The following ARHGAP39 variants were observed in gnomAD, a reference collection of about 807,000 sequenced individuals.
ARHGAP39 encodes the protein Rho GTPase activating protein 39.
A neutral mutation model predicts 106.9 loss-of-function variants in ARHGAP39; 44 were observed. The ratio of observed to expected loss-of-function variants is 0.41; its 90% CI spans 0.32 to 0.53. The LOEUF is 0.53. Among genes scored for constraint, ARHGAP39 ranks in the 20% least tolerant of loss-of-function variants. The probability of loss-of-function intolerance (pLI) is 0.21; values close to 1 mark genes in which losing one functional copy is unlikely to be tolerated. For synonymous variants in ARHGAP39, 768 were observed against 693.2 expected (o/e 1.11, Z -1.69); for missense variants, 1,496 against 1,577.3 (o/e 0.95, Z 0.87).
chr8:144,650,115 C>A (rs879400750), intron 1 of ARHGAP39, among the ~76,000 whole-genome samples: 1 of 151,984 alleles, frequency 6.6e-6, no homozygotes, highest in African/African-American at 2.4e-5. Flanking sequence ...TGCACTGCAG[C>A]CTGGGCAATA....
At chr8:144,661,957 A>T (rs1194101365) in intron 1 of ARHGAP39, among the ~76,000 whole-genome samples, 2 of 122,896 alleles carry the variant, frequency 1.6e-5, no homozygotes, top group Non-Finnish European at 3.2e-5. Flanking sequence ...CTTCCCCGTT[A>T]TCCACTTTGG....
At chr8:144,608,220 T>A (rs1820369666) in intron 1 of ARHGAP39, among the ~76,000 whole-genome samples, 2 of 151,670 alleles carry the variant, frequency 1.3e-5, no homozygotes, top group South Asian at 4.2e-4. Flanking sequence ...TATTTTTAAT[T>A]TCTTGTTTGA....
intron 1 of ARHGAP39, among the ~76,000 whole-genome samples, chr8:144,678,006 C>T (rs934454116): frequency 1.3e-5 from 2 of 152,204 alleles, no homozygotes; most frequent in African/African-American, 2.4e-5. Context: ...AGTCCCTCCC[C>T]CTGCTGCGCC....
rs768803401 is a variant in ARHGAP39, at chr8:144,530,749, G to A, written c.3103C>T (p.Pro1035Ser). 1 of 1,610,076 alleles carries A rather than the reference G, an allele frequency of 6.2e-7. No homozygotes were observed. The highest frequency in any genetic ancestry group is 1.1e-5 in the South Asian group (1 of 90,704). The stretch of plus-strand genomic sequence containing the variant: ...CACAGCACCATGCGGTTGATGCGGG[G>A]CAGCGCGTGCACCACGGCCACCGCC... ...EAAVAVVHAL[P>S]RINRMVLCYL... Residue 1035 changes from proline to serine, a missense_variant, in exon 11 of 12, where the codon CCC becomes TCC. Physicochemically the swap from Pro to Ser is moderately conservative, Grantham distance 74. Coordinates refer to ENST00000377307, the MANE Select transcript of ARHGAP39 (RefSeq NM_025251.3).
At chr8:144,574,438 AGGCG>A (rs765458855) in intron 3 of ARHGAP39, among the ~76,000 whole-genome samples, 15 of 152,176 alleles carry the variant, frequency 9.9e-5, no homozygotes, top group Non-Finnish European at 2.1e-4. Flanking sequence ...TGGGAGGCCG[AGGCG>A]GGCAGATCAC....
intron 1 of ARHGAP39, among the ~76,000 whole-genome samples, chr8:144,633,211 C>A (rs1270857602): frequency 2.0e-5 from 3 of 152,046 alleles, no homozygotes; most frequent in Non-Finnish European, 4.4e-5. Context: ...ATAATCCCAG[C>A]ACTTCGGGAA....
chr8:144,603,060 T>G (rs1390161592), intron 2 of ARHGAP39, among the ~76,000 whole-genome samples: 1 of 145,754 alleles, frequency 6.9e-6, no homozygotes, highest in Non-Finnish European at 1.5e-5. Flanking sequence ...TGTGAGCTCG[T>G]GTACCTGTGT....
At chr8:144,594,552 G>A (rs1819525403) in intron 2 of ARHGAP39, among the ~76,000 whole-genome samples, 1 of 151,568 alleles carries the variant, frequency 6.6e-6, no homozygotes, top group African/African-American at 2.4e-5. Context: ...AAATTAGTCA[G>A]GTATGATGGT....
intron 1 of ARHGAP39, among the ~76,000 whole-genome samples, chr8:144,667,724 C>G (rs1053751941): frequency 6.6e-6 from 1 of 152,210 alleles, no homozygotes; most frequent in African/African-American, 2.4e-5. Context: ...TTGTGTGACC[C>G]TGGTGGGTCA....
intron 1 of ARHGAP39, among the ~76,000 whole-genome samples, chr8:144,627,554 C>CAAAAAAA (rs386414277): frequency 6.7e-5 from 7 of 103,748 alleles, no homozygotes; most frequent in Admixed American, 1.1e-4. Context: ...GACTCCATCT[C>CAAAAAAA]AAAAAAAAAA....
At chr8:144,572,924 C>G (rs1206984632) in intron 3 of ARHGAP39, among the ~76,000 whole-genome samples, 3 of 152,172 alleles carry the variant, frequency 2.0e-5, no homozygotes, top group Admixed American at 6.5e-5. Flanking sequence ...CAATGAGATA[C>G]CATCTCACAC....
chr8:144,611,953 G>C (rs1820503286), intron 1 of ARHGAP39, among the ~76,000 whole-genome samples: 1 of 151,868 alleles, frequency 6.6e-6, no homozygotes, highest in Non-Finnish European at 1.5e-5. Context: ...AGGTTGCAGT[G>C]GGCCGAGATT....
At chr8:144,574,184 T>TGAGGAGGAG (rs139240824) in intron 3 of ARHGAP39, among the ~76,000 whole-genome samples, 1 of 137,414 alleles carries the variant, frequency 7.3e-6, no homozygotes, top group Non-Finnish European at 1.6e-5. Context: ...AAGATGAAGA[T>TGAGGAGGAG]GAGGAGGAGG....
At chr8:144,657,990 T>G (rs1264961188) in intron 1 of ARHGAP39, among the ~76,000 whole-genome samples, 1 of 152,242 alleles carries the variant, frequency 6.6e-6, no homozygotes, top group Non-Finnish European at 1.5e-5. Flanking sequence ...TTTTTTAATA[T>G]GGCATAACAG....
Position 144,591,120 on chromosome 8 carries a change from G to C in ARHGAP39, c.81-9843C>G, listed in dbSNP as rs1819375690. On this transcript the variant is annotated intron_variant, in intron 2 of 11. Coordinates refer to ENST00000377307, the MANE Select transcript of ARHGAP39 (RefSeq NM_025251.3). This position sits in a 1 kb window ranked among gnomAD's most constrained non-coding sequence, Gnocchi z 5.3. ...TTGCTTCCATGACCTCCTGGAGCCG[G>C]GTGGCTGCGCAGGCCTGGGGTGCAA... Among the ~76,000 whole-genome samples the C allele has an allele frequency of 6.6e-6, 1 of 152,156 alleles. No homozygotes were observed. Among genetic ancestry groups the C allele is most frequent in the African/African-American group, 2.4e-5 (1 of 41,424 alleles).
At position 144,547,291 on chromosome 8, in the gene ARHGAP39, C is replaced by G; in HGVS notation, c.1795G>C (p.Val599Leu). 1 of 1,612,114 alleles carries G rather than the reference C, an allele frequency of 6.2e-7. No homozygotes were observed. Among genetic ancestry groups the G allele is most frequent in the Non-Finnish European group, 8.5e-7 (1 of 1,179,708 alleles). Residue 599 changes from valine to leucine, a missense_variant, in exon 5 of 12, where the codon GTG (valine) becomes CTG (leucine). Val to Leu is a conservative substitution (Grantham distance 32). Coordinates refer to ENST00000377307, the MANE Select transcript of ARHGAP39 (RefSeq NM_025251.3). This position sits in a 1 kb window ranked among gnomAD's most constrained non-coding sequence, Gnocchi z 5.2. ...GALPLPMPGPVVRAFSEDEAL... is the reference protein window; with the variant it reads ...GALPLPMPGPLVRAFSEDEAL... ...TCGTCCTCGCTGAAGGCCCGCACCA[C>G]CGGCCCGGGCATGGGCAGTGGCAGG...
chr8:144,571,358 TAAAC>T (rs1168762185), intron 3 of ARHGAP39, among the ~76,000 whole-genome samples: 1 of 152,100 alleles, frequency 6.6e-6, no homozygotes, highest in Non-Finnish European at 1.5e-5. Context: ...ATCCATCACA[TAAAC>T]AGAACAATCG....
intron 6 of ARHGAP39, among the ~76,000 whole-genome samples, chr8:144,544,934 G>A (rs570011033): frequency 2.6e-5 from 4 of 152,382 alleles, no homozygotes; most frequent in South Asian, 2.1e-4. Context: ...CGCCCTCGGC[G>A]TCTTCGTGCC....
the ARHGAP39 span, among the ~76,000 whole-genome samples, chr8:144,700,012 G>A: frequency 6.6e-6 from 1 of 152,322 alleles, no homozygotes; most frequent in East Asian, 1.9e-4. The surrounding 1 kb of genome is among the most constrained non-coding windows in gnomAD (Gnocchi z 5.6). Flanking sequence ...CAGGATGCCA[G>A]TGGTGCAAAC....
Sources: gnomAD v4.1 joint callset for allele counts (sites outside exome capture counted in the v4.1 genomes callset) on GRCh38, gnomAD v4.1.1 for gene constraint, Gnocchi (gnomAD v3.1) non-coding constraint, MANE v1.5 for transcripts, NCBI Gene and HGNC (gene_info 2026-07-23, HGNC 2026-07-21) for gene names.